HAUS3: variants seen among roughly 807,000 people sequenced by gnomAD.
The protein encoded by HAUS3 is HAUS augmin-like complex subunit 3.
A neutral mutation model predicts 55.2 loss-of-function variants in HAUS3; 36 were observed. The observed-to-expected ratio is 0.65, with a 90% CI of 0.50 to 0.86. The LOEUF (loss-of-function observed/expected upper bound fraction) is 0.86, where lower values mean the gene tolerates loss of function less well. Among genes scored for constraint, HAUS3 ranks in the 40% least tolerant of loss-of-function variants. The probability of loss-of-function intolerance (pLI) is 0.00; values close to 1 mark genes in which losing one functional copy is unlikely to be tolerated. For synonymous variants in HAUS3, 234 were observed against 238.6 expected, an observed-to-expected ratio of 0.98 and a Z score of 0.18; for missense variants, 752 against 671.5, an observed-to-expected ratio of 1.12 and a Z score of -1.33.
chr4:2,234,004 C>A (rs1460396647), intron 5 of HAUS3, among the ~76,000 whole-genome samples: 2 of 151,728 alleles, frequency 1.3e-5, no homozygotes, highest in Non-Finnish European at 2.9e-5. Context: ...TATCCAACAA[C>A]AAAAAGCTAT....
rs1734760828 is a variant in HAUS3, at chr4:2,236,264, C to A, written c.1542G>T (p.Leu514Phe). Reference protein sequence around the residue: ...NKDVDMLCDTLYQGGNQLLLS... With the variant: ...NKDVDMLCDTFYQGGNQLLLS... ...GCAAAAGCTGATTTCCTCCTTGATACAAAGTATCACAAAGCATGTCCACAT... is the reference window on the plus strand; with the variant it reads ...GCAAAAGCTGATTTCCTCCTTGATAAAAAGTATCACAAAGCATGTCCACAT... Residue 514 changes from leucine (L) to phenylalanine (F), a missense_variant, in exon 5 of 6, where the codon TTG (leucine) becomes TTT (phenylalanine). Leu to Phe is a conservative substitution (Grantham distance 22). Transcript: ENST00000443786. The A allele has an allele frequency of 1.2e-6, 2 of 1,613,272 alleles. No homozygotes were observed. The highest frequency in any genetic ancestry group is 4.5e-5 in the East Asian group (2 of 44,830).
At chr4:2,235,647 G>C (rs28433903) in intron 5 of HAUS3, among the ~76,000 whole-genome samples, 4 of 151,944 alleles carry the variant, frequency 2.6e-5, no homozygotes, top group African/African-American at 9.7e-5. Context: ...GTCATTGAAG[G>C]ATACATACCT....
rs1424444777 is a variant in HAUS3, at chr4:2,238,695, A to G, written c.1258T>C (p.Tyr420His). 1 of 1,612,806 alleles carries G rather than the reference A, an allele frequency of 6.2e-7. No individual in the cohort carries two copies. Among genetic ancestry groups the G allele is most frequent in the Admixed American group, 1.7e-5 (1 of 60,006 alleles). The change falls in exon 4 of 6, where the codon TAC (tyrosine) becomes CAC (histidine). Residue 420 changes from tyrosine (Y) to histidine (H), a missense_variant. Physicochemically the swap from Tyr to His is moderately conservative, Grantham distance 83. Transcript: ENST00000443786. ...QELSQSNMMLYKQLEMLTDPS... is the reference protein window; with the variant it reads ...QELSQSNMMLHKQLEMLTDPS... ...TCTGTTAACATTTCTAATTGCTTGT[A>G]GAGCATCATGTTACTTTGACTAAGT...
In HAUS3 at chr4:2,238,919, T is replaced by C; in HGVS notation, c.1034A>G (p.Gln345Arg). Residue 345 changes from glutamine (Q) to arginine (R), a missense_variant, in exon 4 of 6, where the codon CAG (glutamine) becomes CGG (arginine). Gln to Arg is a conservative substitution (Grantham distance 43). Transcript: ENST00000443786. The stretch of plus-strand genomic sequence containing the variant: ...CTTTACCACTGGCATATTCAATAAC[T>C]GGGCATTCTCTCTTACCACAGCAGG... The part of the protein sequence containing the change: ...SLPAVVRENA[Q>R]LLNMPVVKGD... The C allele has an allele frequency of 6.2e-7, 1 of 1,612,604 alleles. No homozygotes were observed. Among genetic ancestry groups the C allele is most frequent in the Non-Finnish European group, 8.5e-7 (1 of 1,179,380 alleles).
At position 2,236,341 on chromosome 4, in the gene HAUS3, A is replaced by G; in HGVS notation, c.1465T>C (p.Leu489=). 2 of 1,613,218 alleles carry G rather than the reference A, an allele frequency of 1.2e-6. No individual in the cohort carries two copies. The highest frequency in any genetic ancestry group is 1.7e-5 in the Admixed American group (1 of 60,026). The part of the protein sequence containing the change: ...KQNISLVQDQ[L]AVSAQEHSFF... ...GAATGTTCTTGAGCAGATACTGCCA[A>G]CTGATCTTGTACTAAAGAAATATTC... Residue 489 remains leucine, a synonymous_variant, in exon 5 of 6, where the codon TTG becomes CTG. Coordinates refer to ENST00000443786, the MANE Select transcript of HAUS3 (RefSeq NM_001303143.2).
At chr4:2,232,962 G>C (rs1463925762) in intron 5 of HAUS3, among the ~76,000 whole-genome samples, 4 of 152,070 alleles carry the variant, frequency 2.6e-5, no homozygotes, top group African/African-American at 7.2e-5. Context: ...TACTTGTTAT[G>C]AATACAGATT....
At position 2,231,906 on chromosome 4, in the gene HAUS3, A is replaced by G. The variant is rs752010548; in HGVS notation, c.*21T>C. On this transcript the variant is annotated 3_prime_UTR_variant, in exon 6 of 6. Transcript: ENST00000443786. ...ATAAATAAAAGAGGACACGTAATAA[A>G]GATTCAGTTTTCAGTAATTTTCAAT... 14 of 998,802 alleles carry G rather than the reference A, an allele frequency of 1.4e-5. No individual in the cohort carries two copies. Among genetic ancestry groups the G allele is most frequent in the Non-Finnish European group, 2.0e-5 (13 of 653,190 alleles). The allele number at this position is 998,802 out of a possible 1,614,324, so 61.9% of individuals were successfully genotyped here.
In HAUS3 at chr4:2,231,804, T is replaced by C. The variant is rs1353593776; in HGVS notation, c.*123A>G. On this transcript the variant is annotated 3_prime_UTR_variant, in exon 6 of 6. Transcript: ENST00000443786. Reference sequence around the variant, plus strand: ...GAAAAAAGACAAATTAATATAATAGTTCAATTCATCAAATTAAATGTTCCA... The same window carrying C: ...GAAAAAAGACAAATTAATATAATAGCTCAATTCATCAAATTAAATGTTCCA... 12 of 601,098 alleles carry C rather than the reference T, an allele frequency of 2.0e-5. 1 individual carries two copies. In the Admixed American group the frequency reaches 4.3e-4, roughly 22 times the overall value. The allele number at this position is 601,098 out of a possible 1,614,324, so 37.2% of individuals were successfully genotyped here.
Position 2,228,901 on chromosome 4 carries a change from G to A in HAUS3, c.*3026C>T, listed in dbSNP as rs1560101212. ...AGAAATACCTGGAATAAGGAAGAGA[G>A]TGTTACATTTTTAAAGCAATGAAGG... On this transcript the variant is annotated 3_prime_UTR_variant, in exon 6 of 6. Coordinates refer to ENST00000443786, the MANE Select transcript of HAUS3 (RefSeq NM_001303143.2). 2.2e-6 allele frequency: 1 copy of A among 449,648 alleles called. No individual in the cohort carries two copies. Among genetic ancestry groups the A allele is most frequent in the Non-Finnish European group, 3.9e-6 (1 of 254,006 alleles). The allele number at this position is 449,648 out of a possible 1,614,324, so 27.9% of individuals were successfully genotyped here. A position where few individuals can be genotyped will look rare whatever the true frequency, so the allele number is the denominator to read the frequency against.
At chr4:2,236,071 T>C (rs946591961) in intron 5 of HAUS3, among the ~76,000 whole-genome samples, 157 bp downstream of exon 5, 2 of 152,218 alleles carry the variant, frequency 1.3e-5, no homozygotes, top group African/African-American at 4.8e-5. Context: ...GAAAAACATA[T>C]TTATATGTGA....
In HAUS3 at chr4:2,231,955, TTTGA is replaced by T. The variant is rs765870559; in HGVS notation, c.1780_1783del (p.Ser594ArgfsTer13). The T allele has an allele frequency of 1.3e-5, 18 of 1,420,922 alleles. No homozygotes were observed. Among genetic ancestry groups the T allele is most frequent in the Admixed American group, 1.9e-5 (1 of 52,710 alleles). The allele number at this position is 1,420,922 out of a possible 1,614,324, so 88.0% of individuals were successfully genotyped here. Reference sequence around the variant, plus strand: ...ATCTTCAAGACTAACAGCCTTAATCTTTGATTGAGTTTCTAAATTCTCCACAATA... The same window carrying T: ...ATCTTCAAGACTAACAGCCTTAATCTTTGAGTTTCTAAATTCTCCACAATA... On this transcript the variant is annotated frameshift_variant, in exon 6 of 6. Transcript: ENST00000443786. LOFTEE classifies it high-confidence loss of function.
In HAUS3 at chr4:2,238,908, T is replaced by A. The variant is rs750885140; in HGVS notation, c.1045A>T (p.Met349Leu). ...VVRENAQLLN[M>L]PVVKGDFDLQ... ...TCAAAATCTCCCTTTACCACTGGCA[T>A]ATTCAATAACTGGGCATTCTCTCTT... The change falls in exon 4 of 6, where the codon ATG becomes TTG. Residue 349 changes from methionine to leucine, a missense_variant. Physicochemically the swap from Met to Leu is conservative, Grantham distance 15. Transcript: ENST00000443786. 3.1e-6 allele frequency: 5 copies of A among 1,612,864 alleles called. No homozygotes were observed. The African/African-American group carries it at 6.7e-5, about 22-fold the overall frequency.
intron 5 of HAUS3, among the ~76,000 whole-genome samples, chr4:2,233,716 A>C (rs977659589): frequency 2.0e-5 from 3 of 152,212 alleles, no homozygotes; most frequent in African/African-American, 7.2e-5. Flanking sequence ...GTCTACCTAC[A>C]TCTAAAAAGA....
At position 2,232,008 on chromosome 4, in the gene HAUS3, T is replaced by TAAA; in HGVS notation, c.1728_1730dup (p.Phe576dup). 1 of 1,507,596 alleles carries TAAA rather than the reference T, an allele frequency of 6.6e-7. No individual in the cohort carries two copies. Among genetic ancestry groups the TAAA allele is most frequent in the Non-Finnish European group, 9.2e-7 (1 of 1,090,160 alleles). The allele number at this position is 1,507,596 out of a possible 1,614,324, so 93.4% of individuals were successfully genotyped here. A position where few individuals can be genotyped will look rare whatever the true frequency, so the allele number is the denominator to read the frequency against. ...TATCTTTCAGATAATCTTCATCTTT[T>TAAA]AAAAAATATACATAGAATTCTCTTT... On this transcript the variant is annotated inframe_insertion, in exon 6 of 6. Transcript: ENST00000443786.
Position 2,240,913 on chromosome 4 carries a change from T to C in HAUS3, c.34A>G (p.Lys12Glu). Residue 12 changes from lysine to glutamate, a missense_variant, in exon 3 of 6, where the codon AAA becomes GAA. By Grantham distance (56) the Lys-to-Glu change is moderately conservative (BLOSUM62 1). Coordinates refer to ENST00000443786, the MANE Select transcript of HAUS3 (RefSeq NM_001303143.2). ...TCAGCTTTGGGATAACCAATTTTTT[T>C]TAATGTTTCCACAAACTCATTTCCA... The part of the protein sequence containing the change: ...SCGNEFVETL[K>E]KIGYPKADNL... 1 of 1,598,166 alleles carries C rather than the reference T, an allele frequency of 6.3e-7. No homozygotes were observed. The highest frequency in any genetic ancestry group is 8.5e-7 in the Non-Finnish European group (1 of 1,178,354).
intron 5 of HAUS3, among the ~76,000 whole-genome samples, chr4:2,232,945 T>C (rs951146052): frequency 2.6e-5 from 4 of 152,170 alleles, no homozygotes; most frequent in African/African-American, 9.6e-5. Context: ...ATCATAATTA[T>C]CTGAGGTACT....
chr4:2,229,140 C>T lies in HAUS3; in HGVS notation c.*2787G>A, dbSNP rs139302710. ...CCAAGTCTTAGAATCCACTAAATCA[C>T]CTGAATGCATAGCAGACATAATCTT... is the stretch of plus-strand genomic sequence containing the variant. On this transcript the variant is annotated 3_prime_UTR_variant, in exon 6 of 6. Transcript: ENST00000443786. 8.7e-6 allele frequency: 14 copies of T among 1,610,946 alleles called. No individual in the cohort carries two copies. In the African/African-American group the frequency reaches 1.9e-4, roughly 22 times the overall value.
chr4:2,233,133 A>G (rs1734641213), intron 5 of HAUS3, among the ~76,000 whole-genome samples: 1 of 152,228 alleles, frequency 6.6e-6, no homozygotes, highest in African/African-American at 2.4e-5. Context: ...TAAAATACAT[A>G]CTTTTGAAAA....
intron 5 of HAUS3, among the ~76,000 whole-genome samples, chr4:2,235,665 A>G (rs914013512): frequency 2.0e-5 from 3 of 152,254 alleles, no homozygotes; most frequent in African/African-American, 7.2e-5. Flanking sequence ...CCTTCAATAT[A>G]CATGCCTTTG....
Sources: gnomAD v4.1 joint callset for allele counts (sites outside exome capture counted in the v4.1 genomes callset) on GRCh38, gnomAD v4.1.1 for gene constraint, MANE v1.5 for transcripts, NCBI Gene and HGNC (gene_info 2026-07-23, HGNC 2026-07-21) for gene names.